Variants in DIAPH2 observed in about 807,000 individuals in gnomAD.
DIAPH2 encodes protein diaphanous homolog 2.
A neutral mutation model predicts 92.7 loss-of-function variants in DIAPH2; 35 were observed. The ratio of observed to expected loss-of-function variants is 0.38; its 90% CI spans 0.29 to 0.50. DIAPH2 has a LOEUF of 0.50. DIAPH2 is among the 20% of genes least tolerant of loss of function. The probability of loss-of-function intolerance (pLI) is 0.94; values close to 1 mark genes in which losing one functional copy is unlikely to be tolerated. For missense variants in DIAPH2, 701 were observed against 819.5 expected (o/e 0.86, Z 1.77); for synonymous variants, 301 against 280.4 (o/e 1.07, Z -0.73).
At chrX:97,048,587 C>T (rs1231274137) in intron 17 of DIAPH2, among the ~76,000 whole-genome samples, 1 of 111,012 alleles carries the variant, frequency 9.0e-6, no homozygotes, top group Non-Finnish European at 1.9e-5. Context: ...AGACCATGCA[C>T]ATATCTTGCT....
chrX:97,178,172 A>G (rs1163460316), intron 22 of DIAPH2, among the ~76,000 whole-genome samples: 1 of 110,821 alleles, frequency 9.0e-6, no homozygotes, highest in East Asian at 2.9e-4. Flanking sequence ...CCTGGAGGTC[A>G]AGGCTGCAGT....
chrX:96,910,972 G>C (rs2065465563), intron 5 of DIAPH2, among the ~76,000 whole-genome samples: 1 of 110,846 alleles, frequency 9.0e-6, no homozygotes, highest in Non-Finnish European at 1.9e-5. Context: ...TTAAATAGTT[G>C]GGAGAAATGG....
intron 23 of DIAPH2, among the ~76,000 whole-genome samples, chrX:97,343,781 A>G (rs922823552): frequency 7.2e-5 from 8 of 111,378 alleles, no homozygotes; most frequent in Admixed American, 6.7e-4. Flanking sequence ...ACAGAAATTA[A>G]GAGAAGTAGC....
At chrX:97,054,012 A>G (rs1467906631) in intron 17 of DIAPH2, among the ~76,000 whole-genome samples, 1 of 111,771 alleles carries the variant, frequency 8.9e-6, no homozygotes, top group Non-Finnish European at 1.9e-5. Flanking sequence ...ATCTGCCACC[A>G]GTAATGGGTT....
At chrX:97,410,083 C>G (rs1207105884) in intron 25 of DIAPH2, among the ~76,000 whole-genome samples, 2 of 112,156 alleles carry the variant, frequency 1.8e-5, no homozygotes, top group Non-Finnish European at 3.8e-5. Flanking sequence ...GTCCCTGACC[C>G]CCGTGTAGCC....
intron 11 of DIAPH2, among the ~76,000 whole-genome samples, chrX:96,938,635 T>A (rs2065673406): frequency 1.8e-5 from 2 of 111,964 alleles, no homozygotes; most frequent in African/African-American, 6.5e-5. Context: ...GGTCCTCACT[T>A]TTATTACAAA....
chrX:97,427,465 C>T (rs976034279), intron 25 of DIAPH2, among the ~76,000 whole-genome samples: 1 of 111,334 alleles, frequency 9.0e-6, no homozygotes, highest in African/African-American at 3.3e-5. Context: ...AGTTGAAATA[C>T]ATATAGTTCT....
intron 19 of DIAPH2, among the ~76,000 whole-genome samples, chrX:97,079,707 A>C (rs1353969172): frequency 9.0e-6 from 1 of 111,109 alleles, no homozygotes; most frequent in Non-Finnish European, 1.9e-5. Context: ...AAAGTTAAGG[A>C]CTGCATATCT....
intron 23 of DIAPH2, among the ~76,000 whole-genome samples, chrX:97,318,165 G>A (rs1395695733): frequency 9.0e-6 from 1 of 111,368 alleles, no homozygotes; most frequent in African/African-American, 3.3e-5. Flanking sequence ...TTGAGATGGA[G>A]TCTTGCTCTG....
chrX:97,106,661 T>C (rs765304780), intron 20 of DIAPH2, among the ~76,000 whole-genome samples: 68 of 111,565 alleles, frequency 6.1e-4, no homozygotes, highest in African/African-American at 2.1e-3. Context: ...TGTCCAGGCA[T>C]GGTGGCTCAT....
At chrX:96,870,364 C>T (rs1025050267) in intron 4 of DIAPH2, among the ~76,000 whole-genome samples, 2 of 109,856 alleles carry the variant, frequency 1.8e-5, no homozygotes, top group Non-Finnish European at 3.8e-5. Flanking sequence ...GGGGTTCACG[C>T]CATTCTCCTG....
intron 1 of DIAPH2, among the ~76,000 whole-genome samples, chrX:96,711,226 A>G (rs1189408425): frequency 8.9e-6 from 1 of 111,740 alleles, no homozygotes; most frequent in African/African-American, 3.3e-5. Flanking sequence ...TGGTAGATCT[A>G]CTTTTAGTTC....
At chrX:97,294,964 A>G (rs2068631308) in intron 23 of DIAPH2, among the ~76,000 whole-genome samples, 1 of 111,365 alleles carries the variant, frequency 9.0e-6, no homozygotes, top group Non-Finnish European at 1.9e-5. Flanking sequence ...ACGCTTTAAC[A>G]TGCAGGACTA....
chrX:97,402,848 G>A (rs1424986928), intron 25 of DIAPH2, among the ~76,000 whole-genome samples: 3 of 111,535 alleles, frequency 2.7e-5, no homozygotes, highest in African/African-American at 9.8e-5. Flanking sequence ...AGTAACTACT[G>A]CATAATTTTG....
chrX:97,520,653 A>C (rs1470789524), intron 26 of DIAPH2, among the ~76,000 whole-genome samples: 1 of 112,490 alleles, frequency 8.9e-6, no homozygotes, highest in Non-Finnish European at 1.9e-5. Flanking sequence ...AAGTTAAATT[A>C]AAAGTTAGAG....
intron 22 of DIAPH2, among the ~76,000 whole-genome samples, chrX:97,220,572 A>G (rs2067916992): frequency 9.0e-6 from 1 of 111,447 alleles, no homozygotes. Flanking sequence ...CCGTGGTAAA[A>G]TGGGGATGAG....
chrX:96,879,420 G>T (rs1279659411), intron 4 of DIAPH2, among the ~76,000 whole-genome samples: 1 of 110,769 alleles, frequency 9.0e-6, no homozygotes, highest in South Asian at 3.9e-4. Context: ...TAACTTTGAG[G>T]ATTATATGAA....
chrX:96,771,456 T>G (rs1430473553), intron 4 of DIAPH2, among the ~76,000 whole-genome samples: 1 of 111,823 alleles, frequency 8.9e-6, no homozygotes, highest in East Asian at 2.8e-4. Context: ...TAGCCATTAT[T>G]TTTTGTACTG....
intron 22 of DIAPH2, among the ~76,000 whole-genome samples, chrX:97,245,183 G>A (rs1322390986): frequency 2.7e-5 from 3 of 110,464 alleles, no homozygotes; most frequent in African/African-American, 9.9e-5. Context: ...GTGTTGCCCT[G>A]TCTGGAGAAG....
Sources: gnomAD v4.1 joint callset for allele counts (sites outside exome capture counted in the v4.1 genomes callset) on GRCh38, gnomAD v4.1.1 for gene constraint, MANE v1.5 for transcripts, NCBI Gene and HGNC (gene_info 2026-07-23, HGNC 2026-07-21) for gene names.